Variants in TAFA4 observed in about 807,000 individuals in gnomAD.
TAFA4 encodes the protein chemokine-like protein TAFA-4.
Under a neutral mutation model 21.1 loss-of-function variants are expected in TAFA4, and 20 were observed. The observed-to-expected ratio is 0.95, with a 90% CI of 0.67 to 1.38. TAFA4 has a LOEUF of 1.38. TAFA4 is among the 40% of genes most tolerant of loss of function. The pLI, the probability that TAFA4 is intolerant of heterozygous loss-of-function variation, is 0.00. For missense variants in TAFA4, 211 were observed against 180.9 expected (o/e 1.17, Z -0.95); for synonymous variants, 71 against 67.4 (o/e 1.05, Z -0.26).
intron 4 of TAFA4, among the ~76,000 whole-genome samples, chr3:68,750,930 C>T (rs900942236): frequency 3.3e-5 from 5 of 152,172 alleles, no homozygotes; most frequent in Non-Finnish European, 7.3e-5. Flanking sequence ...ACCACATCCC[C>T]ATCCACAAGC....
intron 3 of TAFA4, among the ~76,000 whole-genome samples, chr3:68,848,211 C>A (rs1325371405): frequency 6.6e-6 from 1 of 152,218 alleles, no homozygotes; most frequent in African/African-American, 2.4e-5. Context: ...CACCTGGCAA[C>A]ACCTGTGAGA....
At chr3:68,733,182 CAACACTCTATACCCACCGAA>C (rs1295754861) in intron 5 of TAFA4, 29 bp from the exon 6 acceptor site, 1 of 1,612,484 alleles carries the variant, frequency 6.2e-7, no homozygotes, top group Non-Finnish European at 8.5e-7. Flanking sequence ...AGGGAACATT[CAACACTCTATACCCACCGAA>C]ATAACCATTC....
intron 3 of TAFA4, among the ~76,000 whole-genome samples, chr3:68,861,030 A>ACCCCCCCCCCCCCCCCCCCCCC (rs113804738): frequency 4.5e-5 from 5 of 111,022 alleles, no homozygotes; most frequent in African/African-American, 9.7e-5. Flanking sequence ...TTAAATATGC[A>ACCCCCCCCCCCCCCCCCCCCCC]CCCCCCCCCC....
At chr3:68,903,156 G>T (rs1481181737) in intron 1 of TAFA4, among the ~76,000 whole-genome samples, 1 of 152,068 alleles carries the variant, frequency 6.6e-6, no homozygotes, top group Non-Finnish European at 1.5e-5. Context: ...AGCATCTCTT[G>T]GTAGTCAGAA....
At chr3:68,886,579 G>A (rs2089674298) in intron 1 of TAFA4, among the ~76,000 whole-genome samples, 1 of 152,042 alleles carries the variant, frequency 6.6e-6, no homozygotes, top group African/African-American at 2.4e-5. Flanking sequence ...TCACACAAAA[G>A]GAACCACTGG....
At chr3:68,901,063 T>C (rs142660679) in intron 1 of TAFA4, among the ~76,000 whole-genome samples, 156 of 152,258 alleles carry the variant, frequency 1.0e-3, no homozygotes, top group African/African-American at 3.7e-3. Flanking sequence ...ATTCCAGAAT[T>C]AGCTGTCAAG....
intron 3 of TAFA4, among the ~76,000 whole-genome samples, chr3:68,879,189 G>A (rs1575654946): frequency 6.6e-6 from 1 of 152,094 alleles, no homozygotes; most frequent in East Asian, 1.9e-4. Context: ...GCCGTTTGCA[G>A]ATAACACTCT....
intron 3 of TAFA4, among the ~76,000 whole-genome samples, chr3:68,816,016 G>A (rs1703966529): frequency 1.3e-5 from 2 of 152,098 alleles, no homozygotes; most frequent in Non-Finnish European, 2.9e-5. Context: ...TCCTTTGTAG[G>A]GACATATATG....
chr3:68,783,366 A>T (rs1274251743), intron 3 of TAFA4, among the ~76,000 whole-genome samples: 1 of 152,216 alleles, frequency 6.6e-6, no homozygotes, highest in African/African-American at 2.4e-5. Flanking sequence ...AATCCAAAAC[A>T]AAGGCAGACA....
chr3:68,853,236 A>T (rs1342957332), intron 3 of TAFA4, among the ~76,000 whole-genome samples: 2 of 151,916 alleles, frequency 1.3e-5, no homozygotes, highest in African/African-American at 4.8e-5. Context: ...TAAGGAAAAA[A>T]AACTTTTTTT....
chr3:68,775,302 G>C (rs945707850), intron 3 of TAFA4, among the ~76,000 whole-genome samples: 15 of 152,122 alleles, frequency 9.9e-5, no homozygotes, highest in African/African-American at 3.6e-4. Flanking sequence ...AGGCAGTGTA[G>C]GTTTAGACTG....
intron 1 of TAFA4, among the ~76,000 whole-genome samples, chr3:68,905,415 G>A (rs112956052): frequency 0.03 from 4,524 of 152,042 alleles, 193 homozygotes; most frequent in South Asian, 0.034. Context: ...TGATCCGTCC[G>A]CCTCGGCCTC....
intron 3 of TAFA4, among the ~76,000 whole-genome samples, chr3:68,793,363 C>A (rs1242651666): frequency 6.6e-6 from 1 of 152,164 alleles, no homozygotes; most frequent in East Asian, 1.9e-4. Context: ...ATTGAAAACA[C>A]CCTCCATTCT....
intron 3 of TAFA4, among the ~76,000 whole-genome samples, chr3:68,818,998 T>G (rs1381560103): frequency 6.6e-6 from 1 of 152,058 alleles, no homozygotes; most frequent in Non-Finnish European, 1.5e-5. Flanking sequence ...AGGCTGGGTG[T>G]GGTGGCTCAT....
In TAFA4 at chr3:68,838,888, G is replaced by A. The variant is rs541657035; in HGVS notation, c.130+41842C>T. On this transcript the variant is annotated intron_variant, in intron 3 of 5. Coordinates refer to ENST00000295569, the MANE Select transcript of TAFA4 (RefSeq NM_182522.5). ...AAGGCAGGTAGATCGCTTGAGCCCA[G>A]GAGTTTGAGACCAGCCTGGGCAACA... 2.6e-5 allele frequency among the ~76,000 whole-genome samples: 4 copies of A among 152,262 alleles called. No homozygotes were observed. The South Asian group carries it at 8.3e-4, about 32-fold the overall frequency.
chr3:68,769,146 T>C (rs555235003), intron 3 of TAFA4, among the ~76,000 whole-genome samples: 1 of 152,296 alleles, frequency 6.6e-6, no homozygotes, highest in African/African-American at 2.4e-5. Context: ...CTGCTCCCCA[T>C]TGCTTGCATT....
chr3:68,840,330 C>T (rs755211101), intron 3 of TAFA4, among the ~76,000 whole-genome samples: 21 of 152,180 alleles, frequency 1.4e-4, no homozygotes, highest in Non-Finnish European at 2.5e-4. Context: ...ACCTCAGCCC[C>T]TCCATATAAC....
intron 3 of TAFA4, among the ~76,000 whole-genome samples, chr3:68,803,481 C>G (rs572176610): frequency 1.3e-5 from 2 of 152,204 alleles, no homozygotes; most frequent in South Asian, 4.1e-4. Flanking sequence ...ATGATGAAAG[C>G]CATGATCAGA....
intron 3 of TAFA4, 21 bp from the exon 4 acceptor site, chr3:68,753,039 AAAAC>A (rs1237506454): frequency 1.3e-5 from 21 of 1,608,800 alleles, no homozygotes; most frequent in Middle Eastern, 1.7e-4. Flanking sequence ...ATGGGGGAGA[AAAAC>A]AAACCCAGTG....
Sources: gnomAD v4.1 joint callset for allele counts (sites outside exome capture counted in the v4.1 genomes callset) on GRCh38, gnomAD v4.1.1 for gene constraint, MANE v1.5 for transcripts, NCBI Gene and HGNC (gene_info 2026-07-23, HGNC 2026-07-21) for gene names.